Variants in PREP observed in about 807,000 individuals in gnomAD.
PREP encodes dJ355L5.1 (prolyl endopeptidase).
In PREP, 29 loss-of-function variants were observed where a neutral mutation model predicts 87.6. That is an observed-to-expected ratio of 0.33 (90% CI 0.25 to 0.45). PREP has a LOEUF of 0.45. Ranked by LOEUF, PREP falls within the 20% of genes least tolerant of loss-of-function variation. The pLI, the probability that PREP is intolerant of heterozygous loss-of-function variation, is 1.00. For missense variants in PREP, 695 were observed against 886.5 expected, an observed-to-expected ratio of 0.78 and a Z score of 2.74; for synonymous variants, 337 against 328.6, an observed-to-expected ratio of 1.03 and a Z score of -0.28.
Position 105,333,462 on chromosome 6 carries a change from T to G in PREP, c.867A>C (p.Glu289Asp). ...WVKLIDNFEG[E>D]YDYVTNEGTV... Reference sequence around the variant, plus strand: ...TCCCCTCATTGGTCACGTAGTCATATTCCCCTTCAAAGTTGTCAATCAGTT... The same window carrying G: ...TCCCCTCATTGGTCACGTAGTCATAGTCCCCTTCAAAGTTGTCAATCAGTT... The change falls in exon 8 of 15, where the codon GAA becomes GAC. Residue 289 changes from glutamate (E) to aspartate (D), a missense_variant. This residue lies in a region of PREP where 517 missense variants were observed against 620.3 expected (regional missense o/e 0.83). Transcript: ENST00000652536. 1 of 1,614,204 alleles carries G rather than the reference T, an allele frequency of 6.2e-7. No homozygotes were observed. The highest frequency in any genetic ancestry group is 8.5e-7 in the Non-Finnish European group (1 of 1,180,032).
At chr6:105,368,058 C>T (rs1772440225) in intron 6 of PREP, among the ~76,000 whole-genome samples, 1 of 152,212 alleles carries the variant, frequency 6.6e-6, no homozygotes, top group Admixed American at 6.5e-5. Context: ...TTTTGTCCCC[C>T]AACGAAGCAG....
At chr6:105,329,721 G>A (rs1383401622) in intron 8 of PREP, among the ~76,000 whole-genome samples, 1 of 152,234 alleles carries the variant, frequency 6.6e-6, no homozygotes, top group Non-Finnish European at 1.5e-5. Flanking sequence ...TTATCCACCA[G>A]ATTCCCTGCA....
At chr6:105,362,391 A>G (rs1024614459) in intron 6 of PREP, among the ~76,000 whole-genome samples, 4 of 152,154 alleles carry the variant, frequency 2.6e-5, no homozygotes, top group African/African-American at 7.2e-5. Context: ...AACCCAGGAG[A>G]TGGAGGTCGC....
intron 10 of PREP, among the ~76,000 whole-genome samples, chr6:105,314,728 C>T (rs1770826367): frequency 6.6e-6 from 1 of 152,190 alleles, no homozygotes; most frequent in Non-Finnish European, 1.5e-5. Flanking sequence ...GTGGAATCAA[C>T]CTCTTCCAAA....
At position 105,277,144 on chromosome 6, in the gene PREP, G is replaced by T. The variant is rs1769955590; in HGVS notation, c.*1000C>A. 6.6e-6 allele frequency among the ~76,000 whole-genome samples: 1 copy of T among 150,554 alleles called. No individual in the cohort carries two copies. The highest frequency in any genetic ancestry group is 2.1e-4 in the South Asian group (1 of 4,774). On this transcript the variant is annotated 3_prime_UTR_variant, in exon 15 of 15. Coordinates refer to ENST00000652536, the MANE Select transcript of PREP (RefSeq NM_002726.5). ...GAATAGTATATCTTAAAAATCTTGG[G>T]GGTGGGCAAACCAAAACTTTTTTTT...
intron 7 of PREP, among the ~76,000 whole-genome samples, chr6:105,341,417 T>C (rs972374412): frequency 3.3e-5 from 5 of 152,288 alleles, no homozygotes; most frequent in Admixed American, 2.0e-4. Context: ...CAGCACTAAA[T>C]GCCCACAAGA....
chr6:105,395,038 T>C (rs1773254007), intron 2 of PREP, among the ~76,000 whole-genome samples: 1 of 152,222 alleles, frequency 6.6e-6, no homozygotes, highest in African/African-American at 2.4e-5. Context: ...ATCTGCCTGA[T>C]GAAATAGTAT....
intron 14 of PREP, among the ~76,000 whole-genome samples, chr6:105,279,677 C>G (rs2114608782): frequency 6.6e-6 from 1 of 152,290 alleles, no homozygotes; most frequent in South Asian, 2.1e-4. Context: ...CTGTAGGACC[C>G]TTCCTAGCTA....
chr6:105,353,609 T>C (rs1018180652), intron 6 of PREP, among the ~76,000 whole-genome samples: 1 of 151,648 alleles, frequency 6.6e-6, no homozygotes, highest in African/African-American at 2.4e-5. Context: ...CTGTCTCTAC[T>C]AAAAATATAA....
chr6:105,353,665 G>A (rs767914153), intron 6 of PREP, among the ~76,000 whole-genome samples: 1 of 151,508 alleles, frequency 6.6e-6, no homozygotes, highest in Non-Finnish European at 1.5e-5. Context: ...CCAGCTACTC[G>A]GGAGACTGAG....
intron 6 of PREP, among the ~76,000 whole-genome samples, chr6:105,368,132 A>G (rs1362632007): frequency 6.6e-6 from 1 of 152,254 alleles, no homozygotes; most frequent in Non-Finnish European, 1.5e-5. Flanking sequence ...TTGTTTTTCA[A>G]CTGAAGAGGT....
intron 10 of PREP, among the ~76,000 whole-genome samples, chr6:105,292,859 G>A (rs995037908): frequency 6.6e-6 from 1 of 152,102 alleles, no homozygotes. Context: ...TTATGCAGAC[G>A]GCTTCTTTCC....
chr6:105,307,394 C>T (rs905931955), intron 10 of PREP, among the ~76,000 whole-genome samples: 29 of 152,106 alleles, frequency 1.9e-4, no homozygotes, highest in Non-Finnish European at 4.4e-5. Context: ...TCTCCAGGTT[C>T]CCACAGAACC....
intron 12 of PREP, among the ~76,000 whole-genome samples, chr6:105,285,187 T>C (rs1437162115): frequency 2.6e-5 from 4 of 152,220 alleles, no homozygotes; most frequent in African/African-American, 9.6e-5. Flanking sequence ...GATTCACTCC[T>C]GACAGTGATA....
chr6:105,340,236 T>G (rs1333744225), intron 7 of PREP, among the ~76,000 whole-genome samples: 1 of 152,140 alleles, frequency 6.6e-6, no homozygotes, highest in Non-Finnish European at 1.5e-5. Flanking sequence ...GGGGCCAATA[T>G]TCAACATTCT....
At chr6:105,280,144 A>G (rs1249363504) in intron 14 of PREP, among the ~76,000 whole-genome samples, 1 of 152,178 alleles carries the variant, frequency 6.6e-6, no homozygotes, top group African/African-American at 2.4e-5. Context: ...AAACTTTAGA[A>G]ACTTGGCCGT....
intron 12 of PREP, among the ~76,000 whole-genome samples, chr6:105,283,620 T>C (rs1388914854): frequency 6.6e-6 from 1 of 152,232 alleles, no homozygotes; most frequent in Non-Finnish European, 1.5e-5. Flanking sequence ...TATGACTACA[T>C]TTTAAAAAGA....
chr6:105,275,457 T>C lies in PREP; in HGVS notation c.*2687A>G, dbSNP rs1583029521. Among the ~76,000 whole-genome samples the C allele has an allele frequency of 6.6e-6, 1 of 152,354 alleles. No homozygotes were observed. Among genetic ancestry groups the C allele is most frequent in the South Asian group, 2.1e-4 (1 of 4,828 alleles). ...TAAGGTAACAAATGCTCTGGTGTGC[T>C]TAGCAGGGCCTTGTGACAAAGCAGT... On this transcript the variant is annotated 3_prime_UTR_variant, in exon 15 of 15. Coordinates refer to ENST00000652536, the MANE Select transcript of PREP (RefSeq NM_002726.5).
At chr6:105,349,185 T>A (rs950399908) in intron 7 of PREP, among the ~76,000 whole-genome samples, 1 of 152,134 alleles carries the variant, frequency 6.6e-6, no homozygotes, top group African/African-American at 2.4e-5. Context: ...AGTTACTGGG[T>A]AAAGGATGTG....
Sources: allele counts gnomAD v4.1 joint callset (sites outside exome capture counted in the v4.1 genomes callset), GRCh38; gene constraint gnomAD v4.1.1; regional missense constraint gnomAD v4.1.1; transcripts MANE v1.5; gene names NCBI Gene and HGNC (gene_info 2026-07-23, HGNC 2026-07-21).